Variants in KIFAP3 observed in about 807,000 individuals in gnomAD.
KIFAP3 encodes the protein kinesin-associated protein 3.
A neutral mutation model predicts 106.5 loss-of-function variants in KIFAP3; 68 were observed. The observed-to-expected ratio is 0.64, with a 90% CI of 0.53 to 0.78. The LOEUF (loss-of-function observed/expected upper bound fraction) is 0.78. KIFAP3 is among the 30% of genes least tolerant of loss of function. The probability of loss-of-function intolerance (pLI) is 0.00; values close to 1 mark genes in which losing one functional copy is unlikely to be tolerated. For missense variants in KIFAP3, 780 were observed against 941.8 expected (o/e 0.83, Z 2.25); for synonymous variants, 320 against 311.5 (o/e 1.03, Z -0.29).
At chr1:170,025,702 G>C (rs1031701407) in intron 8 of KIFAP3, among the ~76,000 whole-genome samples, 1 of 152,142 alleles carries the variant, frequency 6.6e-6, no homozygotes, top group Admixed American at 6.5e-5. Flanking sequence ...CTACCATACA[G>C]CTAGAAAGTG....
chr1:170,036,071 C>T (rs1444833757), intron 5 of KIFAP3, among the ~76,000 whole-genome samples: 1 of 151,894 alleles, frequency 6.6e-6, no homozygotes, highest in Non-Finnish European at 1.5e-5. Flanking sequence ...CAGTATCACA[C>T]TGAATTTATG....
chr1:170,079,024 T>C (rs1671972341), upstream of KIFAP3, among the ~76,000 whole-genome samples: 1 of 152,216 alleles, frequency 6.6e-6, no homozygotes, highest in African/African-American at 2.4e-5. Context: ...CATATTGCTA[T>C]ATAGTTTGCA....
chr1:170,067,886 AAG>A (rs1175090627), intron 1 of KIFAP3: 1 of 152,214 alleles, frequency 6.6e-6, no homozygotes, highest in Non-Finnish European at 1.5e-5. Context: ...ATTGCATATA[AAG>A]AGAAATCTAG....
At chr1:169,945,621 C>A (rs1664401674) in intron 19 of KIFAP3, among the ~76,000 whole-genome samples, 1 of 152,206 alleles carries the variant, frequency 6.6e-6, no homozygotes, top group African/African-American at 2.4e-5. Flanking sequence ...TGCATGCCTT[C>A]AAAATTTTTG....
chr1:170,017,137 G>A (rs1668561897), intron 9 of KIFAP3, among the ~76,000 whole-genome samples: 1 of 151,652 alleles, frequency 6.6e-6, no homozygotes, highest in African/African-American at 2.4e-5. Flanking sequence ...TGCACCTGTA[G>A]TCCCAGCTAC....
intron 10 of KIFAP3, among the ~76,000 whole-genome samples, chr1:170,010,495 G>T (rs1156809917): frequency 6.6e-6 from 1 of 151,808 alleles, no homozygotes; most frequent in Non-Finnish European, 1.5e-5. Flanking sequence ...ATGGAAAAAG[G>T]GCTGAGCTAT....
intron 7 of KIFAP3, among the ~76,000 whole-genome samples, chr1:170,032,894 T>A (rs983120990): frequency 1.3e-5 from 2 of 151,764 alleles, no homozygotes; most frequent in African/African-American, 4.8e-5. Flanking sequence ...CAATAGTGAA[T>A]CTTAAAATTA....
At chr1:170,063,451 A>G (rs1403664504) in intron 1 of KIFAP3, among the ~76,000 whole-genome samples, 1 of 152,172 alleles carries the variant, frequency 6.6e-6, no homozygotes, top group African/African-American at 2.4e-5. Flanking sequence ...AAGTCAATCA[A>G]TCAGTGTCTC....
intron 19 of KIFAP3, among the ~76,000 whole-genome samples, chr1:169,930,769 T>G (rs996475675): frequency 6.6e-6 from 1 of 152,218 alleles, no homozygotes; most frequent in Non-Finnish European, 1.5e-5. Context: ...ATTGGGGTAT[T>G]CCCTATCTTT....
chr1:169,935,617 T>C (rs1438102062), intron 19 of KIFAP3, among the ~76,000 whole-genome samples: 1 of 152,032 alleles, frequency 6.6e-6, no homozygotes, highest in African/African-American at 2.4e-5. Flanking sequence ...TTAAGTGTAT[T>C]CAAAAGACTA....
At chr1:170,005,823 GT>G (rs1667928754) in intron 10 of KIFAP3, among the ~76,000 whole-genome samples, 1 of 150,780 alleles carries the variant, frequency 6.6e-6, no homozygotes, top group Non-Finnish European at 1.5e-5. Context: ...AAACCTGCAC[GT>G]TGTGCACATG....
chr1:170,027,285 G>A (rs1254782258), intron 8 of KIFAP3, among the ~76,000 whole-genome samples: 2 of 152,002 alleles, frequency 1.3e-5, no homozygotes, highest in African/African-American at 4.8e-5. Context: ...CTCCCAAAGT[G>A]CTGGGATTAC....
intron 19 of KIFAP3, among the ~76,000 whole-genome samples, chr1:169,944,087 G>A (rs1028326048): frequency 6.6e-6 from 1 of 152,168 alleles, no homozygotes; most frequent in African/African-American, 2.4e-5. Context: ...GCGCCCGCTG[G>A]GCTCGTTCTG....
intron 3 of KIFAP3, among the ~76,000 whole-genome samples, chr1:170,044,999 A>G (rs1293236878): frequency 2.0e-5 from 3 of 152,216 alleles, no homozygotes; most frequent in South Asian, 2.1e-4. Flanking sequence ...AACTTCCTTC[A>G]TAAGTATTCT....
At chr1:170,025,101 T>C (rs975735178) in intron 8 of KIFAP3, among the ~76,000 whole-genome samples, 4 of 152,188 alleles carry the variant, frequency 2.6e-5, no homozygotes, top group Non-Finnish European at 5.9e-5. Flanking sequence ...CAACTTTTCA[T>C]ATGCAAACTG....
At chr1:169,990,896 TGCAAA>T (rs1667061681) in intron 11 of KIFAP3, among the ~76,000 whole-genome samples, 1 of 152,072 alleles carries the variant, frequency 6.6e-6, no homozygotes, top group Non-Finnish European at 1.5e-5. Context: ...CATCAGAGAA[TGCAAA>T]GCAATTAAAA....
chr1:169,929,291 T>C lies in KIFAP3; in HGVS notation c.2274-7510A>G, dbSNP rs114322664. On this transcript the variant is annotated intron_variant, in intron 19 of 19. Transcript: ENST00000361580. ...TAAATAGAAATACCTATCAGTTACA[T>C]GCAAAAAAAGTTTTGTGAATGTTGG... Among the ~76,000 whole-genome samples, 1,214 of 152,270 alleles carry C rather than the reference T, an allele frequency of 8.0e-3. 19 individuals are homozygous for C. The highest frequency in any genetic ancestry group is 0.028 in the African/African-American group (1,153 of 41,550).
At chr1:170,000,603 A>G (rs189773152) in intron 10 of KIFAP3, among the ~76,000 whole-genome samples, 5 of 152,292 alleles carry the variant, frequency 3.3e-5, no homozygotes, top group African/African-American at 1.2e-4. Context: ...CATTGAAGCT[A>G]TATCAGAACA....
In KIFAP3 at chr1:170,063,810, A is replaced by T. The variant is rs193259911; in HGVS notation, c.33-8374T>A. Among the ~76,000 whole-genome samples the T allele has an allele frequency of 5.1e-3, 783 of 152,326 alleles. 1 individual carries two copies. Among genetic ancestry groups the T allele is most frequent in the Non-Finnish European group, 8.6e-3 (586 of 68,024 alleles). ...CCTTTCCCTGTCCACTTAAAAATTT[A>T]AAATTGTGTTTCAAATTCAGTAAAA... On this transcript the variant is annotated intron_variant, in intron 1 of 19. Transcript: ENST00000361580.
Sources: allele counts gnomAD v4.1 joint callset (sites outside exome capture counted in the v4.1 genomes callset), GRCh38; gene constraint gnomAD v4.1.1; transcripts MANE v1.5; gene names NCBI Gene and HGNC (gene_info 2026-07-23, HGNC 2026-07-21).